SDHAF4: variants seen among roughly 807,000 people sequenced by gnomAD.
SDHAF4 encodes succinate dehydrogenase complex assembly factor 4.
In SDHAF4, 14 loss-of-function variants were observed where a neutral mutation model predicts 14.3. That is an observed-to-expected ratio of 0.98 (90% CI 0.65 to 1.53). SDHAF4 has a LOEUF of 1.53. SDHAF4 is among the 40% of genes most tolerant of loss of function. The probability of loss-of-function intolerance (pLI) is 0.00; values close to 1 mark genes in which losing one functional copy is unlikely to be tolerated. For synonymous variants in SDHAF4, 63 were observed against 47.3 expected, an observed-to-expected ratio of 1.33 and a Z score of -1.36; for missense variants, 141 against 129.3, an observed-to-expected ratio of 1.09 and a Z score of -0.44.
At chr6:70,575,143 C>G (rs1463770586) in intron 1 of SDHAF4, among the ~76,000 whole-genome samples, 1 of 152,140 alleles carries the variant, frequency 6.6e-6, no homozygotes, top group Non-Finnish European at 1.5e-5. Flanking sequence ...TTTGGGAGAC[C>G]AAAGCAGGCA....
chr6:70,593,630 G>T (rs955411973), downstream of SDHAF4, among the ~76,000 whole-genome samples: 1 of 152,218 alleles, frequency 6.6e-6, no homozygotes, highest in Non-Finnish European at 1.5e-5. Context: ...CCCTACCTCA[G>T]TGTTCACAGG....
At chr6:70,577,688 G>GT (rs1433864590) in intron 1 of SDHAF4, among the ~76,000 whole-genome samples, 1 of 152,178 alleles carries the variant, frequency 6.6e-6, no homozygotes, top group East Asian at 1.9e-4. Flanking sequence ...CTAAAAGTTA[G>GT]TTTTTCAACC....
the SDHAF4 span, among the ~76,000 whole-genome samples, chr6:70,595,374 T>C: frequency 0.013 from 1,907 of 152,326 alleles, 30 homozygotes; most frequent in African/African-American, 0.043. Context: ...AGAATAAGAA[T>C]TATTATCCCA....
At chr6:70,579,655 T>C (rs1802297023) in intron 2 of SDHAF4, 89 bp downstream of exon 2, 1 of 1,138,858 alleles carries the variant, frequency 8.8e-7, no homozygotes, top group Non-Finnish European at 1.2e-6. Context: ...AAGAAATTTG[T>C]TATTGCTTAA....
At chr6:70,576,330 T>A (rs1581928212) in intron 1 of SDHAF4, among the ~76,000 whole-genome samples, 1 of 152,348 alleles carries the variant, frequency 6.6e-6, no homozygotes, top group East Asian at 1.9e-4. Flanking sequence ...AGAAAACTGG[T>A]CTTTCAACTT....
At chr6:70,569,765 A>G (rs1376406144) in intron 1 of SDHAF4, among the ~76,000 whole-genome samples, 1 of 152,092 alleles carries the variant, frequency 6.6e-6, no homozygotes, top group African/African-American at 2.4e-5. Flanking sequence ...TTTTGTCTTG[A>G]TCCTTTTGTT....
At chr6:70,595,192 G>A in the SDHAF4 span, among the ~76,000 whole-genome samples, 3 of 152,222 alleles carry the variant, frequency 2.0e-5, no homozygotes, top group Non-Finnish European at 4.4e-5. Context: ...ATCTCCTCTG[G>A]CCTCACTCAC....
At position 70,588,727 on chromosome 6, in the gene SDHAF4, C is replaced by T. The variant is rs771821319; in HGVS notation, c.*3C>T. 35 of 1,556,178 alleles carry T rather than the reference C, an allele frequency of 2.2e-5. No individual in the cohort carries two copies. The highest frequency in any genetic ancestry group is 5.5e-5 in the African/African-American group (4 of 73,334). ...AAGGACGCTGTATTGATTTTTAAGT[C>T]GCATATTCTTTAACTTCAATATTGT... On this transcript the variant is annotated 3_prime_UTR_variant, in exon 3 of 3. Transcript: ENST00000370474.
chr6:70,592,753 C>T (rs1487713472), downstream of SDHAF4, among the ~76,000 whole-genome samples: 1 of 152,158 alleles, frequency 6.6e-6, no homozygotes, highest in Non-Finnish European at 1.5e-5. Context: ...AAAAGGGAAG[C>T]AAAGCAGAAA....
At chr6:70,579,801 C>A (rs1180747203) in intron 2 of SDHAF4, among the ~76,000 whole-genome samples, 1 of 151,920 alleles carries the variant, frequency 6.6e-6, no homozygotes, top group African/African-American at 2.4e-5. Flanking sequence ...TTTGTTATAC[C>A]TCATTATTCA....
intron 1 of SDHAF4, 121 bp downstream of exon 1, chr6:70,567,125 GC>G (rs1453582959): frequency 2.3e-5 from 23 of 986,260 alleles, no homozygotes; most frequent in Non-Finnish European, 3.1e-5. Flanking sequence ...GCCAGGGGCT[GC>G]CCAGCTTCTC....
chr6:70,578,444 T>C (rs1012559683), intron 1 of SDHAF4, among the ~76,000 whole-genome samples: 13 of 152,360 alleles, frequency 8.5e-5, no homozygotes, highest in Middle Eastern at 6.8e-3. Flanking sequence ...TTGAGTTGTT[T>C]AAGTTCCTTA....
chr6:70,568,405 A>G (rs1472675556), intron 1 of SDHAF4, among the ~76,000 whole-genome samples: 1 of 152,212 alleles, frequency 6.6e-6, no homozygotes, highest in Non-Finnish European at 1.5e-5. Flanking sequence ...CTCTATTGCC[A>G]AGGAGGTCTC....
intron 2 of SDHAF4, 71 bp downstream of exon 2, chr6:70,579,637 T>C (rs1802296788): frequency 2.3e-6 from 3 of 1,311,480 alleles, no homozygotes; most frequent in African/African-American, 1.5e-5. Context: ...AGAAAATGAG[T>C]GAAAGGAAAG....
chr6:70,567,088 C>A, intron 1 of SDHAF4, 84 bp downstream of exon 1: 1 of 1,333,664 alleles, frequency 7.5e-7, no homozygotes, highest in Non-Finnish European at 1.0e-6. Flanking sequence ...GCGGAGGAAG[C>A]CGCGTGTGTC....
intron 1 of SDHAF4, among the ~76,000 whole-genome samples, chr6:70,569,094 T>G (rs1436669867): frequency 2.0e-5 from 3 of 150,662 alleles, no homozygotes; most frequent in Non-Finnish European, 3.0e-5. Context: ...GCCTCCCGTG[T>G]AGCTGGGACT....
chr6:70,588,216 C>T (rs572499993), intron 2 of SDHAF4, among the ~76,000 whole-genome samples: 6 of 152,284 alleles, frequency 3.9e-5, no homozygotes, highest in South Asian at 4.1e-4. Flanking sequence ...CTATCAGCAA[C>T]GCTGTCTTTA....
At chr6:70,577,115 T>C (rs1269598885) in intron 1 of SDHAF4, among the ~76,000 whole-genome samples, 1 of 152,148 alleles carries the variant, frequency 6.6e-6, no homozygotes, top group Admixed American at 6.6e-5. Flanking sequence ...TCGGGTCTGG[T>C]CTGTCTTCCA....
downstream of SDHAF4, among the ~76,000 whole-genome samples, chr6:70,593,353 A>G (rs962477697): frequency 9.9e-5 from 15 of 152,270 alleles, no homozygotes; most frequent in Non-Finnish European, 2.2e-4. Context: ...CTGCAAGGGC[A>G]CAACCACTGC....
Sources: gnomAD v4.1 joint callset for allele counts (sites outside exome capture counted in the v4.1 genomes callset) on GRCh38, gnomAD v4.1.1 for gene constraint, MANE v1.5 for transcripts, NCBI Gene and HGNC (gene_info 2026-07-23, HGNC 2026-07-21) for gene names.